The following SNX29 variants were observed in gnomAD, a reference collection of about 807,000 sequenced individuals.
SNX29 encodes the protein sorting nexin-29.
A neutral mutation model predicts 102.1 loss-of-function variants in SNX29; 78 were observed. The ratio of observed to expected loss-of-function variants is 0.76; its 90% CI spans 0.64 to 0.92. The LOEUF is 0.92. Ranked by LOEUF, SNX29 falls within the 40% of genes least tolerant of loss-of-function variation. The pLI, the probability that SNX29 is intolerant of heterozygous loss-of-function variation, is 0.00. For missense variants in SNX29, 1,280 were observed against 1,061.7 expected (o/e 1.21, Z -2.86); for synonymous variants, 580 against 414.5 (o/e 1.40, Z -4.85).
At chr16:12,313,110 G>A (rs1209977976) in intron 15 of SNX29, among the ~76,000 whole-genome samples, 1 of 151,940 alleles carries the variant, frequency 6.6e-6, no homozygotes, top group Non-Finnish European at 1.5e-5. Flanking sequence ...GCCTCCTGGG[G>A]TCAAGTGATT....
chr16:12,554,671 G>A (rs373123519), intron 20 of SNX29, among the ~76,000 whole-genome samples: 26 of 152,270 alleles, frequency 1.7e-4, no homozygotes, highest in African/African-American at 6.0e-4. Context: ...GCTAACCACA[G>A]GGATGCCAAT....
intron 16 of SNX29, among the ~76,000 whole-genome samples, chr16:12,388,646 T>TA (rs1439545850): frequency 6.6e-6 from 1 of 152,236 alleles, no homozygotes; most frequent in Non-Finnish European, 1.5e-5. Context: ...TCATAGATGA[T>TA]ACATAACTGG....
chr16:12,422,733 C>G (rs983891397), intron 18 of SNX29, among the ~76,000 whole-genome samples: 2 of 152,204 alleles, frequency 1.3e-5, no homozygotes, highest in Admixed American at 6.5e-5. Context: ...TCACACACCT[C>G]TCTCTCCCAG....
At chr16:12,315,730 T>A (rs1476695759) in intron 15 of SNX29, among the ~76,000 whole-genome samples, 1 of 152,214 alleles carries the variant, frequency 6.6e-6, no homozygotes, top group Admixed American at 6.5e-5. Flanking sequence ...TGAACAACCG[T>A]CTGTGGTATT....
chr16:12,558,875 A>T (rs566450631), intron 20 of SNX29, among the ~76,000 whole-genome samples: 2 of 152,340 alleles, frequency 1.3e-5, no homozygotes, highest in South Asian at 4.1e-4. Flanking sequence ...CATTTGCAGA[A>T]AATGTGCCTG....
chr16:12,431,583 T>TAA (rs143895567), intron 18 of SNX29, among the ~76,000 whole-genome samples: 2 of 148,610 alleles, frequency 1.3e-5, no homozygotes, highest in Admixed American at 6.7e-5. Context: ...CTCATTCCCT[T>TAA]AAAAAAAAAA....
chr16:12,168,134 G>C (rs2076060431), intron 13 of SNX29, among the ~76,000 whole-genome samples: 2 of 152,210 alleles, frequency 1.3e-5, no homozygotes, highest in South Asian at 4.1e-4. Context: ...TTAGTACAAA[G>C]AGAGAATTGC....
At chr16:12,095,138 A>C (rs1473646405) in intron 11 of SNX29, 5 of 152,174 alleles carry the variant, frequency 3.3e-5, no homozygotes, top group Admixed American at 2.0e-4. Context: ...TGCTGCGGAA[A>C]CCAGCTCACT....
intron 20 of SNX29, among the ~76,000 whole-genome samples, chr16:12,535,816 C>T (rs998950385): frequency 7.9e-5 from 12 of 152,102 alleles, no homozygotes; most frequent in African/African-American, 1.9e-4. Flanking sequence ...TAAGCCTTGC[C>T]GCCACTTTGG....
intron 14 of SNX29, among the ~76,000 whole-genome samples, chr16:12,214,195 C>T (rs1322618577): frequency 1.3e-5 from 2 of 152,142 alleles, no homozygotes; most frequent in Admixed American, 6.5e-5. Flanking sequence ...TATCAAGTAT[C>T]GATTCACGAT....
intron 13 of SNX29, among the ~76,000 whole-genome samples, chr16:12,171,001 G>A (rs1015243244): frequency 2.0e-5 from 3 of 152,002 alleles, no homozygotes; most frequent in Admixed American, 6.6e-5. Context: ...GGGGCGCAGC[G>A]TGATTTTACA....
In SNX29 at chr16:12,322,824, T is replaced by TGACCACTGTCAGGATGCGGTCACTAGAG. The variant is rs1555510923; in HGVS notation, c.1783-33313_1783-33312insAGGACCACTGTCAGGATGCGGTCACTAG. The stretch of plus-strand genomic sequence containing the variant: ...AGGATATGGTCACTGGAATCACTGA[T>TGACCACTGTCAGGATGCGGTCACTAGAG]GACCACTGTCAGGATGCGGTCACTA... On this transcript the variant is annotated intron_variant, in intron 15 of 20. Transcript: ENST00000566228. Among the ~76,000 whole-genome samples the TGACCACTGTCAGGATGCGGTCACTAGAG allele has an allele frequency of 1.7e-3, 220 of 129,684 alleles. 1 individual carries two copies. Among genetic ancestry groups the TGACCACTGTCAGGATGCGGTCACTAGAG allele is most frequent in the Admixed American group, 2.8e-3 (37 of 13,212 alleles). The allele number at this position is 129,684 out of a possible 152,430, so 85.1% of individuals were successfully genotyped here.
chr16:12,001,151 G>A (rs972097493), intron 2 of SNX29, among the ~76,000 whole-genome samples: 8 of 151,998 alleles, frequency 5.3e-5, no homozygotes, highest in Non-Finnish European at 8.8e-5. Flanking sequence ...TAGCTCTGTC[G>A]CCCGGGCTGG....
intron 13 of SNX29, among the ~76,000 whole-genome samples, chr16:12,153,413 T>TC (rs1212329725): frequency 6.7e-6 from 1 of 150,222 alleles, no homozygotes; most frequent in African/African-American, 2.5e-5. Flanking sequence ...CCTGGGGAGA[T>TC]CCCCCCATGT....
At chr16:12,524,881 C>T (rs1418042428) in intron 20 of SNX29, 40 bp downstream of exon 20, 1 of 1,597,336 alleles carries the variant, frequency 6.3e-7, no homozygotes, top group Admixed American at 1.7e-5. Context: ...CCAGCCCTGC[C>T]AGCATTTTTT....
chr16:12,215,624 C>A (rs35506767), intron 14 of SNX29, among the ~76,000 whole-genome samples: 1 of 152,148 alleles, frequency 6.6e-6, no homozygotes, highest in Non-Finnish European at 1.5e-5. Flanking sequence ...GCAGGTGGAC[C>A]TTGAGTCCTA....
chr16:12,408,615 G>T (rs1031189093), intron 18 of SNX29, among the ~76,000 whole-genome samples: 2 of 152,214 alleles, frequency 1.3e-5, no homozygotes, highest in African/African-American at 4.8e-5. Context: ...GAGGTCAGGA[G>T]TTCAAGACCA....
chr16:12,149,384 C>T (rs2055201983), intron 13 of SNX29, among the ~76,000 whole-genome samples: 1 of 152,182 alleles, frequency 6.6e-6, no homozygotes. Flanking sequence ...TAGTGGAGCA[C>T]ATTGTCACTC....
At chr16:12,554,096 G>A (rs1402450998) in intron 20 of SNX29, among the ~76,000 whole-genome samples, 1 of 152,222 alleles carries the variant, frequency 6.6e-6, no homozygotes, top group Admixed American at 6.5e-5. Context: ...AAAAGCACTT[G>A]GGATTACAGG....
Sources: allele counts gnomAD v4.1 joint callset (sites outside exome capture counted in the v4.1 genomes callset), GRCh38; gene constraint gnomAD v4.1.1; transcripts MANE v1.5; gene names NCBI Gene and HGNC (gene_info 2026-07-23, HGNC 2026-07-21).